Variants in MTUS2 observed in about 807,000 individuals in gnomAD.
MTUS2 encodes microtubule-associated tumor suppressor candidate 2.
MTUS2 carries 40 observed loss-of-function variants against 114.1 expected under a neutral mutation model. The ratio of observed to expected loss-of-function variants is 0.35; its 90% CI spans 0.27 to 0.46. The LOEUF (loss-of-function observed/expected upper bound fraction) is 0.46. MTUS2 is among the 20% of genes least tolerant of loss of function. The pLI is 1.00. For missense variants in MTUS2, 1,679 were observed against 1,705.4 expected (o/e 0.98, Z 0.27); for synonymous variants, 688 against 672.0 (o/e 1.02, Z -0.37).
chr13:29,201,595 G>A (rs1487580691), intron 5 of MTUS2, among the ~76,000 whole-genome samples: 3 of 152,158 alleles, frequency 2.0e-5, no homozygotes, highest in Non-Finnish European at 4.4e-5. Flanking sequence ...TCTCTTCATG[G>A]TGTCAGTGGT....
At chr13:29,412,577 G>A (rs1875333101) in intron 8 of MTUS2, among the ~76,000 whole-genome samples, 1 of 151,896 alleles carries the variant, frequency 6.6e-6, no homozygotes, top group Non-Finnish European at 1.5e-5. Context: ...TAAAAATTAG[G>A]TCATACTTAA....
At position 28,954,632 on chromosome 13, in the gene MTUS2, G is replaced by A. The variant is rs548883486; in HGVS notation, c.-242-69825G>A. On this transcript the variant is annotated intron_variant, in intron 2 of 15. Coordinates refer to ENST00000612955, the MANE Select transcript of MTUS2 (RefSeq NM_001033602.4). ...GTGGGAGCATCATTGAAGTGGAGCC[G>A]TGAAGCAGAGGTAGGATTTTAACAG... 3.9e-5 allele frequency among the ~76,000 whole-genome samples: 6 copies of A among 152,262 alleles called. No individual in the cohort carries two copies. In the East Asian group the frequency reaches 9.7e-4, roughly 25 times the overall value.
At chr13:29,014,469 C>A (rs1198514415) in intron 2 of MTUS2, among the ~76,000 whole-genome samples, 1 of 152,200 alleles carries the variant, frequency 6.6e-6, no homozygotes, top group Admixed American at 6.5e-5. Context: ...CTAGCCTGGT[C>A]ACTGGGATCT....
intron 2 of MTUS2, among the ~76,000 whole-genome samples, chr13:28,942,632 A>G (rs907495452): frequency 2.0e-5 from 3 of 152,258 alleles, no homozygotes; most frequent in Non-Finnish European, 4.4e-5. Context: ...CTATACAGCA[A>G]TCAGTAGAGC....
In MTUS2 at chr13:29,264,980, C is replaced by T. The variant is rs111862491; in HGVS notation, c.2645-16724C>T. On this transcript the variant is annotated intron_variant, in intron 5 of 15. Coordinates refer to ENST00000612955, the MANE Select transcript of MTUS2 (RefSeq NM_001033602.4). ...GTTGCTCCATAGTCTGATTGAATTC[C>T]TCTTTACTTTTTCTCTGCCACATGA... 2.4e-3 allele frequency among the ~76,000 whole-genome samples: 373 copies of T among 152,284 alleles called. 1 individual carries two copies. The highest frequency in any genetic ancestry group is 8.6e-3 in the African/African-American group (359 of 41,568).
chr13:29,246,361 G>A (rs1000441313), intron 5 of MTUS2, among the ~76,000 whole-genome samples: 1 of 152,198 alleles, frequency 6.6e-6, no homozygotes, highest in Non-Finnish European at 1.5e-5. Flanking sequence ...AGTTTCCTTA[G>A]GATAGTCCCC....
intron 2 of MTUS2, among the ~76,000 whole-genome samples, chr13:28,983,574 G>A (rs1884452100): frequency 6.6e-6 from 1 of 152,130 alleles, no homozygotes; most frequent in Non-Finnish European, 1.5e-5. Context: ...GAATTTTTTT[G>A]TTGTGGCTAC....
rs1186010800 is a variant in MTUS2 at position 29,338,575 on chromosome 13, G to C, written c.2905+13864G>C. 2.0e-5 allele frequency among the ~76,000 whole-genome samples: 3 copies of C among 151,208 alleles called. No homozygotes were observed. The East Asian group carries it at 5.8e-4, about 29-fold the overall frequency. On this transcript the variant is annotated intron_variant, in intron 7 of 15. Coordinates refer to ENST00000612955, the MANE Select transcript of MTUS2 (RefSeq NM_001033602.4). The stretch of plus-strand genomic sequence containing the variant: ...ATTGCACTACAGCCTGGGCGACAGA[G>C]CAAGACTCCATCTCAGAAAACAAAA...
intron 4 of MTUS2, among the ~76,000 whole-genome samples, chr13:29,057,022 T>A (rs1012477601): frequency 2.0e-5 from 3 of 152,174 alleles, no homozygotes; most frequent in African/African-American, 7.2e-5. Flanking sequence ...CTCATTAGTT[T>A]CAAAGAATTT....
rs1241496656 is a variant in MTUS2, at chr13:29,480,489, G to C, written c.3399+125G>C. 1 of 1,079,344 alleles carries C rather than the reference G, an allele frequency of 9.3e-7. No individual in the cohort carries two copies. Among genetic ancestry groups the C allele is most frequent in the Non-Finnish European group, 1.3e-6 (1 of 776,630 alleles). The allele number at this position is 1,079,344 out of a possible 1,614,324, so 66.9% of individuals were successfully genotyped here. A position where few individuals can be genotyped will look rare whatever the true frequency, so the allele number is the denominator to read the frequency against. On this transcript the variant is annotated intron_variant, in intron 10 of 15. Coordinates refer to ENST00000612955, the MANE Select transcript of MTUS2 (RefSeq NM_001033602.4). The surrounding 1 kb of genome is among the most constrained non-coding windows in gnomAD (Gnocchi z 4.4). ...GAGCTTTCTGAACAGTTCACTTTCT[G>C]AGTTGCTTTCTCCTTTCTCCCCGCT...
chr13:28,835,086 C>T (rs1036819610), intron 1 of MTUS2, among the ~76,000 whole-genome samples: 1 of 152,082 alleles, frequency 6.6e-6, no homozygotes, highest in African/African-American at 2.4e-5. Flanking sequence ...AATGGTACAG[C>T]CATTTTGGGA....
chr13:29,221,710 G>T (rs1160653406), intron 5 of MTUS2, among the ~76,000 whole-genome samples: 1 of 151,744 alleles, frequency 6.6e-6, no homozygotes, highest in Non-Finnish European at 1.5e-5. Context: ...TTTTCATTAT[G>T]ATTTGTGTTC....
intron 9 of MTUS2, among the ~76,000 whole-genome samples, chr13:29,467,105 T>TAACTAACA (rs1440567113): frequency 3.9e-5 from 6 of 152,162 alleles, no homozygotes; most frequent in African/African-American, 1.4e-4. Context: ...AGCAACAGGC[T>TAACTAACA]GTGGAAAGAG....
intron 8 of MTUS2, among the ~76,000 whole-genome samples, chr13:29,369,569 T>G (rs1032469314): frequency 1.3e-5 from 2 of 152,182 alleles, no homozygotes; most frequent in African/African-American, 4.8e-5. Flanking sequence ...AGAATAAGAT[T>G]TATGTGGTAC....
chr13:29,013,856 G>A (rs923658231), intron 2 of MTUS2, among the ~76,000 whole-genome samples: 16 of 152,026 alleles, frequency 1.1e-4, no homozygotes, highest in Admixed American at 3.9e-4. Context: ...CCCTTCAATT[G>A]GAATTTCTGT....
intron 4 of MTUS2, among the ~76,000 whole-genome samples, chr13:29,038,033 TC>T (rs1397306611): frequency 6.6e-6 from 1 of 152,340 alleles, no homozygotes; most frequent in East Asian, 1.9e-4. Flanking sequence ...AAATTCATTC[TC>T]CATCCAGTTT....
At chr13:29,236,854 T>C (rs1184874174) in intron 5 of MTUS2, among the ~76,000 whole-genome samples, 1 of 152,216 alleles carries the variant, frequency 6.6e-6, no homozygotes, top group Non-Finnish European at 1.5e-5. Context: ...TTTTTAATAT[T>C]GATCACTAAC....
chr13:29,153,857 C>T (rs569921013), intron 5 of MTUS2, among the ~76,000 whole-genome samples: 7 of 152,124 alleles, frequency 4.6e-5, no homozygotes, highest in Non-Finnish European at 1.0e-4. Context: ...AAAGTCTTCA[C>T]GTTTTATTTG....
At chr13:29,260,777 T>C (rs1394093791) in intron 5 of MTUS2, among the ~76,000 whole-genome samples, 2 of 152,244 alleles carry the variant, frequency 1.3e-5, no homozygotes, top group Admixed American at 1.3e-4. Flanking sequence ...TGGTTCTTAA[T>C]CGGGACAGTA....
Sources: allele counts gnomAD v4.1 joint callset (sites outside exome capture counted in the v4.1 genomes callset), GRCh38; gene constraint gnomAD v4.1.1; non-coding constraint Gnocchi (gnomAD v3.1); transcripts MANE v1.5; gene names NCBI Gene and HGNC (gene_info 2026-07-23, HGNC 2026-07-21).